Variants in HS1BP3 observed in about 807,000 individuals in gnomAD.
The protein encoded by HS1BP3 is HCLS1-binding protein 3.
In HS1BP3, 32 loss-of-function variants were observed where a neutral mutation model predicts 33.5. The ratio of observed to expected loss-of-function variants is 0.95; its 90% CI spans 0.72 to 1.28. The LOEUF (loss-of-function observed/expected upper bound fraction) is 1.28, where lower values mean the gene tolerates loss of function less well. Among genes scored for constraint, HS1BP3 ranks in the 50% most tolerant of loss-of-function variants. The probability of loss-of-function intolerance (pLI) is 0.00; values close to 1 mark genes in which losing one functional copy is unlikely to be tolerated. For missense variants in HS1BP3, 486 were observed against 502.3 expected (o/e 0.97, Z 0.31); for synonymous variants, 187 against 209.2 (o/e 0.89, Z 0.92).
intron 6 of HS1BP3, among the ~76,000 whole-genome samples, chr2:20,620,866 GGACACCCC>G (rs1694576344): frequency 6.6e-6 from 1 of 152,208 alleles, no homozygotes; most frequent in African/African-American, 2.4e-5. Flanking sequence ...CTACAATGAG[GGACACCCC>G]CCAGCCCAGT....
chr2:20,638,783 C>T (rs188508714), intron 3 of HS1BP3, 131 bp from the exon 4 acceptor site: 8 of 696,608 alleles, frequency 1.1e-5, no homozygotes, highest in South Asian at 5.6e-5. Context: ...GGACCAAACT[C>T]GTCCCTCCTG....
rs113332675 is a variant in HS1BP3 at position 20,638,612 on chromosome 2, A to G, written c.447T>C (p.Asp149=). ...TGTCTGTGCCATCCAGGACAGAGGA[A>G]TCTCTGCTGGTGAGCCCTGCAGCCC... is the stretch of plus-strand genomic sequence containing the variant. ...SPGAAGLTSR[D]SSVLDGTDSQ... The change falls in exon 4 of 7, where the codon GAT becomes GAC. Residue 149 remains aspartate, a synonymous_variant. Transcript: ENST00000304031. 5 of 1,614,112 alleles carry G rather than the reference A, an allele frequency of 3.1e-6. No homozygotes were observed. In the South Asian group the frequency reaches 5.5e-5, roughly 18 times the overall value.
chr2:20,560,784 G>A (rs563287653), intron 5 of HS1BP3, among the ~76,000 whole-genome samples: 155 of 152,258 alleles, frequency 1.0e-3, no homozygotes, highest in African/African-American at 3.6e-3. Context: ...GCCTCCGACT[G>A]CAGGCAGGTC....
chr2:20,607,570 A>G (rs777765084), intron 2 of HS1BP3, among the ~76,000 whole-genome samples: 1 of 152,232 alleles, frequency 6.6e-6, no homozygotes, highest in Non-Finnish European at 1.5e-5. Flanking sequence ...CACGTGTATG[A>G]GTTTATATCT....
the HS1BP3 span, among the ~76,000 whole-genome samples, chr2:20,554,384 C>G: frequency 6.6e-6 from 1 of 152,194 alleles, no homozygotes; most frequent in Non-Finnish European, 1.5e-5. Context: ...TCAGTGAGCA[C>G]AGACATACAT....
At chr2:20,638,077 T>G in intron 4 of HS1BP3, 1 of 430,026 alleles carries the variant, frequency 2.3e-6, no homozygotes, top group Non-Finnish European at 4.1e-6. Context: ...CCTCTGCGAG[T>G]CCCACAGCTG....
intron 6 of HS1BP3, among the ~76,000 whole-genome samples, chr2:20,621,524 G>A (rs536267761): frequency 8.5e-5 from 13 of 152,324 alleles, no homozygotes; most frequent in South Asian, 2.1e-4. Flanking sequence ...CAGATGTTCC[G>A]GAGCTCCCTC....
downstream of HS1BP3, among the ~76,000 whole-genome samples, chr2:20,617,630 C>CTGGCTT (rs3832142): frequency 0.23 from 35,398 of 151,866 alleles, 4,837 homozygotes; most frequent in Non-Finnish European, 0.31. Flanking sequence ...TCCCTCAGGG[C>CTGGCTT]TGGCTTTGGT....
At chr2:20,648,431 C>T (rs755207694) in intron 1 of HS1BP3, among the ~76,000 whole-genome samples, 15 of 152,206 alleles carry the variant, frequency 9.9e-5, no homozygotes, top group Non-Finnish European at 1.9e-4. Context: ...CCTCATTTCT[C>T]CTCTGGTCTG....
At chr2:20,650,108 T>C (rs1303634734) in intron 1 of HS1BP3, among the ~76,000 whole-genome samples, 1 of 152,150 alleles carries the variant, frequency 6.6e-6, no homozygotes, top group African/African-American at 2.4e-5. Flanking sequence ...CCAAGCAGCC[T>C]CCGACATCAG....
chr2:20,619,302 A>G (rs1694521923), intron 6 of HS1BP3, 57 bp from the exon 7 acceptor site: 8 of 1,434,410 alleles, frequency 5.6e-6, no homozygotes, highest in Non-Finnish European at 6.6e-6. Flanking sequence ...TGACAGGAAC[A>G]AGACCCCAGG....
At chr2:20,626,645 G>A (rs1162948115) in intron 4 of HS1BP3, among the ~76,000 whole-genome samples, 1 of 152,166 alleles carries the variant, frequency 6.6e-6, no homozygotes, top group Non-Finnish European at 1.5e-5. Flanking sequence ...CAGTGGCAGG[G>A]ACTGCTCCAA....
In HS1BP3 at chr2:20,619,016, G is replaced by C. The variant is rs1012383393; in HGVS notation, c.1150C>G (p.Pro384Ala). 19 of 1,614,012 alleles carry C rather than the reference G, an allele frequency of 1.2e-5. No homozygotes were observed. The highest frequency in any genetic ancestry group is 1.6e-5 in the Non-Finnish European group (19 of 1,180,010). Residue 384 changes from proline to alanine, a missense_variant, in exon 7 of 7, where the codon CCA (proline) becomes GCA (alanine). Physicochemically the swap from Pro to Ala is conservative, Grantham distance 27. Transcript: ENST00000304031. ...ILQYIQDHDT[P>A]AQAAPSLF is the part of the protein sequence containing the mutation. ...AAGAGGCTGGGGGCGGCCTGGGCTG[G>C]TGTATCGTGGTCCTGGATGTACTGC...
intron 2 of HS1BP3, among the ~76,000 whole-genome samples, chr2:20,602,226 T>C (rs566407290): frequency 6.6e-6 from 1 of 151,728 alleles, no homozygotes. Flanking sequence ...GGGGGGAATT[T>C]ATTTCTGGCC....
downstream of HS1BP3, among the ~76,000 whole-genome samples, chr2:20,559,697 CGGGT>C (rs1209287116): frequency 7.5e-4 from 70 of 93,052 alleles, 1 homozygote; most frequent in African/African-American, 2.6e-3. Flanking sequence ...GGTAGATGGA[CGGGT>C]GGGTGGGTGG....
intron 5 of HS1BP3, among the ~76,000 whole-genome samples, chr2:20,573,822 G>C (rs1014155061): frequency 2.0e-5 from 3 of 152,212 alleles, no homozygotes; most frequent in African/African-American, 7.2e-5. Context: ...CTGACCTCGA[G>C]GTAACTTCAG....
chr2:20,648,456 G>T (rs537662187), intron 1 of HS1BP3, among the ~76,000 whole-genome samples: 1 of 152,206 alleles, frequency 6.6e-6, no homozygotes, highest in Non-Finnish European at 1.5e-5. Context: ...GTCAGCAGCA[G>T]TGGGCACAGT....
At chr2:20,565,090 A>G (rs898304973) in intron 5 of HS1BP3, among the ~76,000 whole-genome samples, 3 of 152,060 alleles carry the variant, frequency 2.0e-5, no homozygotes, top group African/African-American at 7.2e-5. Flanking sequence ...CAGGTTACCC[A>G]CTTCTTCCCA....
intron 4 of HS1BP3, among the ~76,000 whole-genome samples, chr2:20,626,158 T>C (rs903551772): frequency 6.6e-6 from 1 of 151,492 alleles, no homozygotes; most frequent in African/African-American, 2.4e-5. Flanking sequence ...CAATGGCAGA[T>C]AAAAATAGCA....
Sources: allele counts gnomAD v4.1 joint callset (sites outside exome capture counted in the v4.1 genomes callset), GRCh38; gene constraint gnomAD v4.1.1; transcripts MANE v1.5; gene names NCBI Gene and HGNC (gene_info 2026-07-23, HGNC 2026-07-21).